Variants in RYR3 observed in about 807,000 individuals in gnomAD.
RYR3 encodes the protein ryanodine receptor 3.
A neutral mutation model predicts 584.3 loss-of-function variants in RYR3; 207 were observed. The observed-to-expected ratio is 0.35, with a 90% CI of 0.32 to 0.40. RYR3 has a LOEUF of 0.40. RYR3 is among the 10% of genes least tolerant of loss of function. RYR3 has a pLI of 1.00. For missense variants in RYR3, 5,616 were observed against 6,089.2 expected (o/e 0.92, Z 2.59); for synonymous variants, 2,416 against 2,248.5 (o/e 1.07, Z -2.11).
chr15:33,669,831 GGT>G (rs200233523), intron 37 of RYR3, among the ~76,000 whole-genome samples: 275 of 50,994 alleles, frequency 5.4e-3, no homozygotes, highest in Non-Finnish European at 7.3e-3. Flanking sequence ...AGCTATTAGG[GGT>G]GTGTGTGTGT....
At chr15:33,620,311 G>A (rs1032348838) in intron 19 of RYR3, among the ~76,000 whole-genome samples, 5 of 152,006 alleles carry the variant, frequency 3.3e-5, no homozygotes, top group East Asian at 3.9e-4. Flanking sequence ...AACCCTTATC[G>A]TTTGGCTTCC....
At chr15:33,591,820 G>A (rs2059144692) in intron 16 of RYR3, among the ~76,000 whole-genome samples, 1 of 152,168 alleles carries the variant, frequency 6.6e-6, no homozygotes, top group African/African-American at 2.4e-5. Context: ...GTTTAGCCTG[G>A]AGGGGCTGAA....
chr15:33,468,763 G>T (rs765909754), intron 1 of RYR3, among the ~76,000 whole-genome samples: 12 of 152,178 alleles, frequency 7.9e-5, no homozygotes, highest in African/African-American at 2.9e-4. Flanking sequence ...TACCACAGTG[G>T]TGAGTATCAT....
chr15:33,603,197 T>C lies in RYR3; in HGVS notation c.1997T>C (p.Ile666Thr), dbSNP rs1159554704. The C allele has an allele frequency of 1.2e-6, 2 of 1,613,818 alleles. No individual in the cohort carries two copies. Among genetic ancestry groups the C allele is most frequent in the African/African-American group, 1.3e-5 (1 of 74,918 alleles). ...AAGAAGTGGTACTTCGAGCTGATTA[T>C]CGACCAGGTGGACCCCTTCCTAACA... ...QYKKWYFELI[I>T]DQVDPFLTAE... The change falls in exon 18 of 104, where the codon ATC becomes ACC. Residue 666 changes from isoleucine (I) to threonine (T), a missense_variant. By Grantham distance (89) the Ile-to-Thr change is moderately conservative (BLOSUM62 -1). Coordinates refer to ENST00000634891, the MANE Select transcript of RYR3 (RefSeq NM_001036.6).
intron 1 of RYR3, among the ~76,000 whole-genome samples, chr15:33,382,921 G>A (rs529075163): frequency 1.3e-5 from 2 of 149,878 alleles, no homozygotes; most frequent in South Asian, 4.3e-4. Flanking sequence ...TTTTAAACCT[G>A]TAGCTGTATT....
At chr15:33,504,762 G>A (rs916677938) in intron 3 of RYR3, among the ~76,000 whole-genome samples, 2 of 152,180 alleles carry the variant, frequency 1.3e-5, no homozygotes, top group African/African-American at 2.4e-5. Flanking sequence ...GTATCCCAGC[G>A]ACATCGAATT....
At chr15:33,633,251 T>C (rs1462714699) in intron 24 of RYR3, 143 bp downstream of exon 24, 2 of 777,976 alleles carry the variant, frequency 2.6e-6, no homozygotes, top group Non-Finnish European at 4.0e-6. Flanking sequence ...TCATTATTTA[T>C]GGAATCATGG....
At chr15:33,652,587 G>GT in intron 31 of RYR3, 131 bp from the exon 32 acceptor site, 1 of 899,204 alleles carries the variant, frequency 1.1e-6, no homozygotes, top group Non-Finnish European at 1.7e-6. Context: ...GGAAAAAAAA[G>GT]TATTTGGGGC....
At chr15:33,340,024 T>G (rs1353617627) in intron 1 of RYR3, among the ~76,000 whole-genome samples, 3 of 152,122 alleles carry the variant, frequency 2.0e-5, no homozygotes, top group African/African-American at 7.2e-5. Context: ...TGTCCAGGGG[T>G]GGCCTGTCCA....
intron 60 of RYR3, among the ~76,000 whole-genome samples, chr15:33,766,669 T>A (rs2073102756): frequency 6.6e-6 from 1 of 152,268 alleles, no homozygotes; most frequent in Non-Finnish European, 1.5e-5. Flanking sequence ...AGCTTTCAAA[T>A]CCATCAGTGT....
intron 1 of RYR3, among the ~76,000 whole-genome samples, chr15:33,332,208 G>A (rs1270443476): frequency 6.6e-6 from 1 of 151,996 alleles, no homozygotes; most frequent in East Asian, 1.9e-4. Flanking sequence ...TCTCAGAATG[G>A]ATACATAAAC....
intron 1 of RYR3, among the ~76,000 whole-genome samples, chr15:33,441,112 C>G (rs923457945): frequency 6.6e-6 from 1 of 152,210 alleles, no homozygotes; most frequent in Non-Finnish European, 1.5e-5. Context: ...AGGGTCACTT[C>G]AGTGGTGAGA....
chr15:33,737,902 G>C lies in RYR3; in HGVS notation c.7516-548G>C, dbSNP rs79334564. ...CTTCTGCCCTCTACTGGCGAGATGT[G>C]AAACTGCTGTAAAGTCACTGGGGTG... On this transcript the variant is annotated intron_variant, in intron 49 of 103. Coordinates refer to ENST00000634891, the MANE Select transcript of RYR3 (RefSeq NM_001036.6). Among the ~76,000 whole-genome samples the C allele has an allele frequency of 1.4e-3, 214 of 152,220 alleles. 1 individual carries two copies. Among genetic ancestry groups the C allele is most frequent in the Non-Finnish European group, 2.2e-3 (152 of 68,010 alleles).
intron 19 of RYR3, among the ~76,000 whole-genome samples, chr15:33,617,423 G>T (rs78199684): frequency 1.3e-5 from 2 of 151,606 alleles, no homozygotes; most frequent in Admixed American, 1.3e-4. Context: ...AAAAAAAAAC[G>T]TATTTTATAA....
At chr15:33,516,676 A>G (rs1329598334) in intron 3 of RYR3, among the ~76,000 whole-genome samples, 1 of 152,034 alleles carries the variant, frequency 6.6e-6, no homozygotes, top group Non-Finnish European at 1.5e-5. Context: ...ATCTAGGAAA[A>G]GAGTCTCTGG....
intron 85 of RYR3, among the ~76,000 whole-genome samples, chr15:33,829,750 TCAAA>T (rs770232925): frequency 3.5e-5 from 1 of 28,416 alleles, no homozygotes; most frequent in African/African-American, 1.2e-4. Context: ...AGACTCTGTC[TCAAA>T]AAAAAAAAAA....
chr15:33,840,972 C>A, intron 90 of RYR3, 89 bp downstream of exon 90: 1 of 1,168,420 alleles, frequency 8.6e-7, no homozygotes, highest in Non-Finnish European at 1.3e-6. Flanking sequence ...AATCCCAGCA[C>A]TTTGAGAGGC....
At chr15:33,393,104 A>T (rs2042100820) in intron 1 of RYR3, among the ~76,000 whole-genome samples, 1 of 152,212 alleles carries the variant, frequency 6.6e-6, no homozygotes. Context: ...CTCTATCAAG[A>T]GAGATACTGC....
At chr15:33,331,868 T>G (rs1402759751) in intron 1 of RYR3, among the ~76,000 whole-genome samples, 1 of 152,052 alleles carries the variant, frequency 6.6e-6, no homozygotes, top group Non-Finnish European at 1.5e-5. Context: ...GTATCCAAAA[T>G]TTTGGATAAT....
Sources: allele counts gnomAD v4.1 joint callset (sites outside exome capture counted in the v4.1 genomes callset), GRCh38; gene constraint gnomAD v4.1.1; transcripts MANE v1.5; gene names NCBI Gene and HGNC (gene_info 2026-07-23, HGNC 2026-07-21).